JCAD: variants seen among roughly 807,000 people sequenced by gnomAD.
JCAD encodes the protein junctional cadherin 5-associated protein.
JCAD carries 40 observed loss-of-function variants against 98.0 expected under a neutral mutation model. The ratio of observed to expected loss-of-function variants is 0.41; its 90% CI spans 0.32 to 0.53. The LOEUF (loss-of-function observed/expected upper bound fraction) is 0.53. JCAD is among the 20% of genes least tolerant of loss of function. The pLI is 0.31. For synonymous variants in JCAD, 691 were observed against 682.3 expected, an observed-to-expected ratio of 1.01 and a Z score of -0.20; for missense variants, 1,705 against 1,738.1, an observed-to-expected ratio of 0.98 and a Z score of 0.34.
chr10:30,026,929 T>C lies in JCAD; in HGVS notation c.3219A>G (p.Thr1073=), dbSNP rs748734357. ...AGGACTCACCTGGGGGGATTTCTAT[T>C]GTGCTTGCTTCACCCAAAGACCCCT... ...ELEGSLGEAS[T]IEIPPGESLQ... Residue 1073 remains threonine, a synonymous_variant, in exon 3 of 4, where the codon ACA becomes ACG. Coordinates refer to ENST00000375377, the MANE Select transcript of JCAD (RefSeq NM_020848.4). 1.2e-6 allele frequency: 2 copies of C among 1,614,028 alleles called. No individual in the cohort carries two copies. The highest frequency in any genetic ancestry group is 3.3e-5 in the Admixed American group (2 of 60,010).
rs750384557 is a variant in JCAD, at chr10:30,017,696, T to C, written c.*187A>G. Reference sequence around the variant, plus strand: ...AGATGGTTTCAACGGACGATTGCTTTATCGCCACAAAGCAATTCTGAGAGG... The same window carrying C: ...AGATGGTTTCAACGGACGATTGCTTCATCGCCACAAAGCAATTCTGAGAGG... On this transcript the variant is annotated 3_prime_UTR_variant, in exon 4 of 4. Coordinates refer to ENST00000375377, the MANE Select transcript of JCAD (RefSeq NM_020848.4). The C allele has an allele frequency of 1.4e-5, 9 of 648,564 alleles. No individual in the cohort carries two copies. The highest frequency in any genetic ancestry group is 2.2e-5 in the Non-Finnish European group (8 of 364,142). 40.2% of individuals were successfully genotyped at this position (648,564 alleles called of 1,614,324 possible). A position where few individuals can be genotyped will look rare whatever the true frequency, so the allele number is the denominator to read the frequency against.
intron 2 of JCAD, among the ~76,000 whole-genome samples, chr10:30,038,339 T>C (rs760081572): frequency 2.0e-5 from 3 of 152,102 alleles, no homozygotes; most frequent in Non-Finnish European, 4.4e-5. Context: ...AGACTACTCA[T>C]GCAAGGGGGC....
intron 1 of JCAD, among the ~76,000 whole-genome samples, chr10:30,090,879 G>A (rs935935676): frequency 1.3e-5 from 2 of 152,212 alleles, no homozygotes; most frequent in African/African-American, 2.4e-5. Context: ...CAAACCCCAC[G>A]GCAGGATTAG....
At chr10:30,018,467 G>A (rs1836584936) in intron 3 of JCAD, among the ~76,000 whole-genome samples, 1 of 152,056 alleles carries the variant, frequency 6.6e-6, no homozygotes, top group South Asian at 2.1e-4. Flanking sequence ...GCAGCCCCAG[G>A]GCTGGATGCT....
intron 2 of JCAD, among the ~76,000 whole-genome samples, chr10:30,040,944 A>C (rs1837232334): frequency 6.6e-6 from 1 of 152,126 alleles, no homozygotes; most frequent in African/African-American, 2.4e-5. Flanking sequence ...TGAAGGCAGA[A>C]TTCCACACGA....
At chr10:30,092,036 A>C (rs1172128568) in intron 1 of JCAD, among the ~76,000 whole-genome samples, 1 of 31,880 alleles carries the variant, frequency 3.1e-5, no homozygotes, top group African/African-American at 2.6e-4. Context: ...CCCCACCACA[A>C]AAAAAAAAAA....
chr10:30,024,118 T>C (rs1836730813), intron 3 of JCAD, among the ~76,000 whole-genome samples: 1 of 152,178 alleles, frequency 6.6e-6, no homozygotes, highest in Non-Finnish European at 1.5e-5. Flanking sequence ...GGAGCTATGA[T>C]CATGCCACTG....
At chr10:30,081,243 A>G (rs1838079073) in intron 1 of JCAD, among the ~76,000 whole-genome samples, 2 of 152,252 alleles carry the variant, frequency 1.3e-5, no homozygotes, top group African/African-American at 2.4e-5. Context: ...ATAAAGGAGT[A>G]GAACAAAGCT....
chr10:30,047,432 TG>T (rs1837364357), intron 2 of JCAD, 99 bp downstream of exon 2: 1 of 1,406,834 alleles, frequency 7.1e-7, no homozygotes, highest in Admixed American at 2.2e-5. Context: ...TCTCCCTCCT[TG>T]GCCCTGGCCA....
chr10:30,030,930 G>T (rs1370342034), intron 2 of JCAD, among the ~76,000 whole-genome samples: 1 of 149,892 alleles, frequency 6.7e-6, no homozygotes, highest in Non-Finnish European at 1.5e-5. Context: ...AGGCATCCGA[G>T]ACTCTCCAAG....
intron 1 of JCAD, among the ~76,000 whole-genome samples, chr10:30,097,853 G>C (rs1386360188): frequency 6.6e-6 from 1 of 152,084 alleles, no homozygotes; most frequent in South Asian, 2.1e-4. Flanking sequence ...AAGGAAACAA[G>C]ACTCAAAGGA....
At chr10:30,105,576 G>A (rs111927643) in intron 1 of JCAD, among the ~76,000 whole-genome samples, 7 of 151,988 alleles carry the variant, frequency 4.6e-5, no homozygotes, top group Admixed American at 2.6e-4. Flanking sequence ...CATCTGCCTC[G>A]GCCTCCCAAA....
Position 30,029,790 on chromosome 10 carries a change from G to A in JCAD, c.358C>T (p.Arg120Trp), listed in dbSNP as rs200094254. ...GGCTTCTGGCTCCTGGCTTCTTGCC[G>A]TCCTCTTCTCCGGTAGGCTTGGTCG... is the stretch of plus-strand genomic sequence containing the variant. ...GNDQAYRRRG[R>W]QEARSQKPRE... The change falls in exon 3 of 4, where the codon CGG becomes TGG. Residue 120 changes from arginine (R) to tryptophan (W), a missense_variant. Transcript: ENST00000375377. 233 of 1,614,050 alleles carry A rather than the reference G, an allele frequency of 1.4e-4. 1 individual carries two copies. Among genetic ancestry groups the A allele is most frequent in the Admixed American group, 2.5e-4 (15 of 60,012 alleles).
At position 30,026,141 on chromosome 10, in the gene JCAD, T is replaced by C. The variant is rs533498710; in HGVS notation, c.4007A>G (p.Gln1336Arg). 9 of 1,614,246 alleles carry C rather than the reference T, an allele frequency of 5.6e-6. No individual in the cohort carries two copies. The African/African-American group carries it at 1.1e-4, about 19-fold the overall frequency. The change falls in exon 3 of 4, where the codon CAA becomes CGA. Residue 1336 changes from glutamine (Q) to arginine (R), a missense_variant. Transcript: ENST00000375377. ...SREEKEHPAA[Q>R]KEKSMDQDFW... ...GTCTTGATCCATGCTCTTCTCCTTT[T>C]GTGCTGCCGGATGCTCCTTCTCTTC...
chr10:30,026,260 G>C lies in JCAD; in HGVS notation c.3888C>G (p.Ala1296=). 1 of 1,613,872 alleles carries C rather than the reference G, an allele frequency of 6.2e-7. No individual in the cohort carries two copies. The highest frequency in any genetic ancestry group is 8.5e-7 in the Non-Finnish European group (1 of 1,180,028). ...EELKATTRGQ[A]GLPGGLVSPG... ...GAGACACAAGGCCTCCCGGGAGCCCGGCCTGGCCCCTTGTGGTGGCCTTCA... is the reference window on the plus strand; with the variant it reads ...GAGACACAAGGCCTCCCGGGAGCCCCGCCTGGCCCCTTGTGGTGGCCTTCA... Residue 1296 remains alanine (A), a synonymous_variant, in exon 3 of 4, where the codon GCC becomes GCG. Coordinates refer to ENST00000375377, the MANE Select transcript of JCAD (RefSeq NM_020848.4).
At chr10:30,114,578 TA>T (rs11360136) in intron 1 of JCAD, among the ~76,000 whole-genome samples, 58,335 of 123,774 alleles carry the variant, frequency 0.47, 13,512 homozygotes, top group Admixed American at 0.5. Flanking sequence ...ACAGCACAAT[TA>T]AAAAAAAAAA....
intron 1 of JCAD, among the ~76,000 whole-genome samples, chr10:30,099,421 T>G (rs1325612159): frequency 6.6e-6 from 1 of 152,180 alleles, no homozygotes; most frequent in Non-Finnish European, 1.5e-5. Flanking sequence ...TTAAATAATT[T>G]TCTCTTTCTA....
chr10:30,106,053 C>G (rs866873681), intron 1 of JCAD, among the ~76,000 whole-genome samples: 26 of 152,178 alleles, frequency 1.7e-4, no homozygotes, highest in African/African-American at 4.3e-4. Flanking sequence ...AGACCCCAAC[C>G]AATATTTGTT....
chr10:30,075,637 G>A (rs568248894), intron 1 of JCAD, among the ~76,000 whole-genome samples: 1 of 152,174 alleles, frequency 6.6e-6, no homozygotes, highest in Non-Finnish European at 1.5e-5. Flanking sequence ...ATAAAATGAA[G>A]CCAGTGTCAC....
Sources: gnomAD v4.1 joint callset for allele counts (sites outside exome capture counted in the v4.1 genomes callset) on GRCh38, gnomAD v4.1.1 for gene constraint, MANE v1.5 for transcripts, NCBI Gene and HGNC (gene_info 2026-07-23, HGNC 2026-07-21) for gene names.